Variants in RSL1D1 observed in about 807,000 individuals in gnomAD.
RSL1D1 encodes ribosomal L1 domain containing 1, also known as ribosomal L1 domain-containing protein 1.
A neutral mutation model predicts 44.6 loss-of-function variants in RSL1D1; 34 were observed. The ratio of observed to expected loss-of-function variants is 0.76; its 90% CI spans 0.58 to 1.02. The LOEUF (loss-of-function observed/expected upper bound fraction) is 1.02. Among genes scored for constraint, RSL1D1 ranks in the 50% least tolerant of loss-of-function variants. RSL1D1 has a pLI of 0.00. For missense variants in RSL1D1, 767 were observed against 568.1 expected, an observed-to-expected ratio of 1.35 and a Z score of -3.56; for synonymous variants, 271 against 207.4, an observed-to-expected ratio of 1.31 and a Z score of -2.63.
chr16:11,838,058 G>A lies in RSL1D1; in HGVS notation c.1202C>T (p.Thr401Ile). The A allele has an allele frequency of 1.9e-6, 3 of 1,611,468 alleles. No individual in the cohort carries two copies. Among genetic ancestry groups the A allele is most frequent in the African/African-American group, 1.3e-5 (1 of 74,624 alleles). Residue 401 changes from threonine (T) to isoleucine (I), a missense_variant, in exon 9 of 9, where the codon ACA becomes ATA. Physicochemically the swap from Thr to Ile is moderately conservative, Grantham distance 89 (BLOSUM62 -1). Transcript: ENST00000571133. ...KSPAKSPNPS[T>I]PRGKKRKALP... The stretch of plus-strand genomic sequence containing the variant: ...AGCCTTTCTTTTCTTCCCACGAGGT[G>A]TGCTGGGATTAGGACTCTTTGCTGG...
chr16:11,847,785 T>C lies in RSL1D1; in HGVS notation c.267A>G (p.Arg89=), dbSNP rs762500254. The C allele has an allele frequency of 6.2e-6, 10 of 1,613,482 alleles. No homozygotes were observed. Among genetic ancestry groups the C allele is most frequent in the African/African-American group, 1.3e-5 (1 of 74,924 alleles). The part of the protein sequence containing the change: ...RVRLTLPHSI[R]SDSEDICLFT... ...ATAAACAGATATCTTCTGAATCTGA[T>C]CGAATACTATGAGGCAAGGTCCTAC... Residue 89 remains arginine, a synonymous_variant, in exon 3 of 9, where the codon CGA becomes CGG. Transcript: ENST00000571133.
chr16:11,839,161 T>A (rs550737858), intron 8 of RSL1D1, among the ~76,000 whole-genome samples: 1 of 146,584 alleles, frequency 6.8e-6, no homozygotes, highest in Non-Finnish European at 1.5e-5. Flanking sequence ...AGGCCAGGAG[T>A]TCAAGACCAG....
intron 5 of RSL1D1, among the ~76,000 whole-genome samples, chr16:11,845,271 A>C (rs1371898836): frequency 6.6e-6 from 1 of 152,148 alleles, no homozygotes; most frequent in East Asian, 1.9e-4. Flanking sequence ...GGGGCAAAAT[A>C]GTGAGACCCC....
chr16:11,850,007 T>G (rs1326756320), intron 2 of RSL1D1, among the ~76,000 whole-genome samples: 1 of 152,168 alleles, frequency 6.6e-6, no homozygotes, highest in African/African-American at 2.4e-5. Context: ...TTTGTATTTT[T>G]GGAGAGACAG....
At chr16:11,847,567 G>A (rs1596442532) in intron 3 of RSL1D1, 101 bp downstream of exon 3, 1 of 1,024,556 alleles carries the variant, frequency 9.8e-7, no homozygotes, top group Non-Finnish European at 1.4e-6. Flanking sequence ...AAAGAGAAAA[G>A]TAGAAGAAAA....
In RSL1D1 at chr16:11,844,437, T is replaced by C. The variant is rs148392010; in HGVS notation, c.635+2064A>G. On this transcript the variant is annotated intron_variant, in intron 5 of 8. Transcript: ENST00000571133. Reference sequence around the variant, plus strand: ...GTCCCATAAACAAGGCCTGAACTTCTAGCCAACCACTTCCATGAGCCACTA... The same window carrying C: ...GTCCCATAAACAAGGCCTGAACTTCCAGCCAACCACTTCCATGAGCCACTA... 1.8e-4 allele frequency among the ~76,000 whole-genome samples: 27 copies of C among 152,300 alleles called. No individual in the cohort carries two copies. In the East Asian group the frequency reaches 3.5e-3, roughly 20 times the overall value.
At position 11,847,732 on chromosome 16, in the gene RSL1D1, G is replaced by A. The variant is rs565915059; in HGVS notation, c.320C>T (p.Pro107Leu). ...LFTKDEPNST[P>L]EKTEQFYRKL... ...TCTATAAAACTGTTCTGTCTTTTCA[G>A]GAGTTGAATTGGGTTCATCCTTCGT... is the stretch of plus-strand genomic sequence containing the variant. Residue 107 changes from proline to leucine, a missense_variant, in exon 3 of 9, where the codon CCT becomes CTT. Physicochemically the swap from Pro to Leu is moderately conservative, Grantham distance 98 (BLOSUM62 -3). Transcript: ENST00000571133. 2 of 1,612,988 alleles carry A rather than the reference G, an allele frequency of 1.2e-6. No individual in the cohort carries two copies. The highest frequency in any genetic ancestry group is 3.3e-5 in the Admixed American group (2 of 59,986).
At position 11,844,691 on chromosome 16, in the gene RSL1D1, G is replaced by A. The variant is rs181095956; in HGVS notation, c.635+1810C>T. Among the ~76,000 whole-genome samples, 9 of 152,270 alleles carry A rather than the reference G, an allele frequency of 5.9e-5. No homozygotes were observed. The East Asian group carries it at 1.2e-3, about 20-fold the overall frequency. ...CAAGAAGTCTGTGTTGTTTTCTGCC[G>A]ACTGTGTCCACTGGGTCTGCACGGC... On this transcript the variant is annotated intron_variant, in intron 5 of 8. Transcript: ENST00000571133.
intron 7 of RSL1D1, among the ~76,000 whole-genome samples, chr16:11,840,358 G>A (rs2053756834): frequency 6.6e-6 from 1 of 152,166 alleles, no homozygotes; most frequent in African/African-American, 2.4e-5. Context: ...TTGAGGTCAG[G>A]ACTTCGAGAT....
chr16:11,841,636 T>C (rs2053764333), intron 7 of RSL1D1, 59 bp downstream of exon 7: 2 of 1,500,480 alleles, frequency 1.3e-6, no homozygotes, highest in Admixed American at 1.9e-5. Flanking sequence ...ACTTCTCTCC[T>C]AGTGACTGAA....
At position 11,835,674 on chromosome 16, in the gene RSL1D1, T is replaced by C. The variant is rs2053711237; in HGVS notation, c.*2113A>G. 6.6e-6 allele frequency: 1 copy of C among 152,178 alleles called. No homozygotes were observed. Among genetic ancestry groups the C allele is most frequent in the Non-Finnish European group, 1.5e-5 (1 of 68,052 alleles). The allele number at this position is 152,178 out of a possible 1,614,324, so 9.4% of individuals were successfully genotyped here. The stretch of plus-strand genomic sequence containing the variant: ...ACACCCAGCTTATTTTTGGTAAAGA[T>C]GGGGTTTTGCCATATTGCCCAGGAT... On this transcript the variant is annotated 3_prime_UTR_variant, in exon 9 of 9. Coordinates refer to ENST00000571133, the MANE Select transcript of RSL1D1 (RefSeq NM_015659.3).
At chr16:11,848,585 T>A (rs1005211223) in intron 2 of RSL1D1, among the ~76,000 whole-genome samples, 1 of 152,204 alleles carries the variant, frequency 6.6e-6, no homozygotes, top group African/African-American at 2.4e-5. Flanking sequence ...AGTGCAGTGG[T>A]GTGATCATAG....
rs1352534285 is a variant in RSL1D1, at chr16:11,834,417, C to G, written c.*3370G>C. Reference sequence around the variant, plus strand: ...AACAGAGAACATTATTAGAATGAAACTAGATGCAAGAACAGGAAAGTAAAC... The same window carrying G: ...AACAGAGAACATTATTAGAATGAAAGTAGATGCAAGAACAGGAAAGTAAAC... On this transcript the variant is annotated 3_prime_UTR_variant, in exon 9 of 9. Transcript: ENST00000571133. 1.3e-5 allele frequency: 2 copies of G among 152,148 alleles called. No homozygotes were observed. The highest frequency in any genetic ancestry group is 3.8e-4 in the East Asian group (2 of 5,214). 9.4% of individuals were successfully genotyped at this position (152,148 alleles called of 1,614,324 possible).
At chr16:11,848,413 G>A (rs963759287) in intron 2 of RSL1D1, among the ~76,000 whole-genome samples, 1 of 152,176 alleles carries the variant, frequency 6.6e-6, no homozygotes, top group Non-Finnish European at 1.5e-5. Context: ...ATATGTTGCT[G>A]TATGTGCACA....
rs758401490 is a variant in RSL1D1, at chr16:11,839,723, T to C, written c.1118A>G (p.Lys373Arg). The part of the protein sequence containing the change: ...DEIPQLVPIG[K>R]KTPANEKVEI... ...TACTTTTTCATTAGCTGGAGTCTTC[T>C]TTCCTATTGGTACCAGCTGTGGGAT... The change falls in exon 8 of 9, where the codon AAG (lysine) becomes AGG (arginine). Residue 373 changes from lysine (K) to arginine (R), a missense_variant. Transcript: ENST00000571133. 85 of 1,613,902 alleles carry C rather than the reference T, an allele frequency of 5.3e-5. No individual in the cohort carries two copies. The highest frequency in any genetic ancestry group is 7.0e-5 in the Non-Finnish European group (83 of 1,180,016).
chr16:11,851,049 G>C, intron 1 of RSL1D1: 1 of 362,858 alleles, frequency 2.8e-6, no homozygotes. Flanking sequence ...TACCTCTCCC[G>C]ATCCTGGATA....
intron 6 of RSL1D1, 36 bp from the exon 7 acceptor site, chr16:11,841,856 A>G: frequency 6.2e-7 from 1 of 1,612,106 alleles, no homozygotes; most frequent in Non-Finnish European, 8.5e-7. Context: ...GTCTACATAT[A>G]CTTTGTTTCT....
chr16:11,843,934 C>T (rs1424809472), intron 5 of RSL1D1, among the ~76,000 whole-genome samples: 1 of 146,196 alleles, frequency 6.8e-6, no homozygotes, highest in Non-Finnish European at 1.5e-5. Context: ...TAGTGTCTTT[C>T]AGCTACGAGC....
intron 5 of RSL1D1, among the ~76,000 whole-genome samples, chr16:11,844,011 G>C (rs2053782116): frequency 6.6e-6 from 1 of 152,100 alleles, no homozygotes; most frequent in South Asian, 2.1e-4. Flanking sequence ...AGGGCTCAGC[G>C]CTGGGGCCAG....
Sources: gnomAD v4.1 joint callset for allele counts (sites outside exome capture counted in the v4.1 genomes callset) on GRCh38, gnomAD v4.1.1 for gene constraint, MANE v1.5 for transcripts, NCBI Gene and HGNC (gene_info 2026-07-23, HGNC 2026-07-21) for gene names.